PSMD1: variants seen among roughly 807,000 people sequenced by gnomAD.
The protein encoded by PSMD1 is 26S proteasome non-ATPase regulatory subunit 1.
PSMD1 carries 18 observed loss-of-function variants against 119.0 expected under a neutral mutation model. The observed-to-expected ratio is 0.15, with a 90% confidence interval of 0.10 to 0.22. The LOEUF is 0.22. PSMD1 is among the 10% of genes least tolerant of loss of function. The pLI is 1.00. For missense variants in PSMD1, 702 were observed against 1,158.5 expected (o/e 0.61, Z 5.72); for synonymous variants, 374 against 396.6 (o/e 0.94, Z 0.68).
chr2:231,120,234 G>A (rs1273253515), intron 16 of PSMD1, among the ~76,000 whole-genome samples: 2 of 152,198 alleles, frequency 1.3e-5, no homozygotes, highest in African/African-American at 4.8e-5. Flanking sequence ...TTACAGGCAT[G>A]AGCCACCGTG....
At chr2:231,090,891 G>C (rs567758791) in intron 16 of PSMD1, among the ~76,000 whole-genome samples, 1 of 152,324 alleles carries the variant, frequency 6.6e-6, no homozygotes, top group African/African-American at 2.4e-5. Context: ...GTTGTTTCTT[G>C]GGATGAGCAA....
In PSMD1 at chr2:231,143,525, G is replaced by A. The variant is rs570013369; in HGVS notation, c.1999-2715G>A. 1.3e-4 allele frequency among the ~76,000 whole-genome samples: 20 copies of A among 152,168 alleles called. No individual in the cohort carries two copies. In the South Asian group the frequency reaches 3.9e-3, roughly 30 times the overall value. ...TTATAGGCGTGAGCCACCGTGCCCG[G>A]CCAGGGACATTGTGTTTTAAAGTGG... On this transcript the variant is annotated intron_variant, in intron 17 of 24. Transcript: ENST00000308696.
At chr2:231,069,952 A>G in intron 5 of PSMD1, 73 bp from the exon 6 acceptor site, 9 of 1,203,062 alleles carry the variant, frequency 7.5e-6, no homozygotes, top group Non-Finnish European at 8.6e-6. Flanking sequence ...CAAGATTAAA[A>G]TAATTCAATT....
At chr2:231,069,270 T>C (rs1052606076) in intron 5 of PSMD1, among the ~76,000 whole-genome samples, 13 of 152,256 alleles carry the variant, frequency 8.5e-5, no homozygotes, top group Non-Finnish European at 1.5e-4. Context: ...TTAAGCTTTA[T>C]GAAACTAATA....
At chr2:231,111,884 A>G (rs1172209734) in intron 16 of PSMD1, among the ~76,000 whole-genome samples, 13 of 152,100 alleles carry the variant, frequency 8.5e-5, no homozygotes, top group Non-Finnish European at 1.5e-4. Context: ...ATTTGTTTAT[A>G]TGTCCGCCTT....
intron 19 of PSMD1, among the ~76,000 whole-genome samples, chr2:231,159,859 G>C (rs1696594976): frequency 1.3e-5 from 2 of 152,238 alleles, no homozygotes; most frequent in Non-Finnish European, 2.9e-5. Flanking sequence ...CCTCAGTTCA[G>C]TAGGCATTAG....
chr2:231,118,594 T>C (rs1695425992), intron 16 of PSMD1, among the ~76,000 whole-genome samples: 1 of 152,210 alleles, frequency 6.6e-6, no homozygotes, highest in South Asian at 2.1e-4. Flanking sequence ...TTTTTGTTTG[T>C]TTTTGCTTTC....
chr2:231,103,085 T>G (rs959695909), intron 16 of PSMD1, among the ~76,000 whole-genome samples: 1 of 152,256 alleles, frequency 6.6e-6, no homozygotes, highest in Non-Finnish European at 1.5e-5. Flanking sequence ...ACATCCATTA[T>G]GAACTAGGTA....
chr2:231,163,968 T>C (rs940015571), intron 21 of PSMD1, among the ~76,000 whole-genome samples: 7 of 152,228 alleles, frequency 4.6e-5, no homozygotes, highest in Admixed American at 1.3e-4. Flanking sequence ...CAGTACTTTT[T>C]ATACCACGAA....
chr2:231,104,191 C>T (rs1694929407), intron 16 of PSMD1, among the ~76,000 whole-genome samples: 2 of 152,092 alleles, frequency 1.3e-5, no homozygotes, highest in African/African-American at 2.4e-5. Flanking sequence ...AGGAAGTTGA[C>T]GGTCATTTAA....
intron 16 of PSMD1, chr2:231,113,591 A>G (rs1695230006): frequency 2.5e-6 from 2 of 793,428 alleles, no homozygotes; most frequent in South Asian, 2.7e-5. Flanking sequence ...CAGTGACATA[A>G]GGAGCTTATG....
chr2:231,123,644 C>T lies in PSMD1; in HGVS notation c.1884-15092C>T, dbSNP rs1041991979. On this transcript the variant is annotated intron_variant, in intron 16 of 24. Transcript: ENST00000308696. The stretch of plus-strand genomic sequence containing the variant: ...TCCTCAACAATCTGTTTCATTTCCT[C>T]TGGTATTGATTCTGTCTGTAATCCA... The T allele has an allele frequency of 1.3e-5, 21 of 1,613,906 alleles. No individual in the cohort carries two copies. Among genetic ancestry groups the T allele is most frequent in the Non-Finnish European group, 1.5e-5 (18 of 1,179,892 alleles).
intron 16 of PSMD1, 71 bp from the exon 17 acceptor site, chr2:231,138,665 G>T: frequency 8.5e-7 from 1 of 1,182,978 alleles, no homozygotes; most frequent in Non-Finnish European, 1.2e-6. Context: ...AAACAACTTG[G>T]TTAAAACTCT....
At chr2:231,126,802 A>C (rs1373289325) in intron 16 of PSMD1, among the ~76,000 whole-genome samples, 2 of 152,090 alleles carry the variant, frequency 1.3e-5, no homozygotes, top group African/African-American at 2.4e-5. Context: ...TTAATGTCTA[A>C]GGAACGTAAC....
chr2:231,093,907 C>A (rs1057154065), intron 16 of PSMD1, among the ~76,000 whole-genome samples: 2 of 151,888 alleles, frequency 1.3e-5, no homozygotes, highest in African/African-American at 2.4e-5. Context: ...ATAAGCCAGA[C>A]CATTATCAGT....
At chr2:231,121,617 G>C (rs983017654) in intron 16 of PSMD1, among the ~76,000 whole-genome samples, 1 of 152,074 alleles carries the variant, frequency 6.6e-6, no homozygotes, top group African/African-American at 2.4e-5. Context: ...TATTAAACAG[G>C]TAAATCTTTG....
At chr2:231,073,311 A>G (rs1415023403) in intron 7 of PSMD1, among the ~76,000 whole-genome samples, 1 of 152,224 alleles carries the variant, frequency 6.6e-6, no homozygotes, top group African/African-American at 2.4e-5. Context: ...ATGTAACACA[A>G]GGACAAAGTG....
intron 16 of PSMD1, among the ~76,000 whole-genome samples, chr2:231,114,873 A>G (rs1559236739): frequency 6.6e-6 from 1 of 152,186 alleles, no homozygotes; most frequent in African/African-American, 2.4e-5. Context: ...TTTCAAAACA[A>G]CTAAAATTTT....
chr2:231,073,106 A>C (rs1468211922), intron 7 of PSMD1, among the ~76,000 whole-genome samples: 1 of 151,956 alleles, frequency 6.6e-6, no homozygotes, highest in Non-Finnish European at 1.5e-5. Flanking sequence ...GGAGAAGGAG[A>C]GAGATGGGGG....
Sources: allele counts gnomAD v4.1 joint callset (sites outside exome capture counted in the v4.1 genomes callset), GRCh38; gene constraint gnomAD v4.1.1; transcripts MANE v1.5; gene names NCBI Gene and HGNC (gene_info 2026-07-23, HGNC 2026-07-21).